The following AUTS2 variants were observed in gnomAD, a reference collection of about 807,000 sequenced individuals.
AUTS2 encodes autism susceptibility gene 2 protein.
A neutral mutation model predicts 112.4 loss-of-function variants in AUTS2; 17 were observed. The ratio of observed to expected loss-of-function variants is 0.15; its 90% CI spans 0.10 to 0.23. The LOEUF (loss-of-function observed/expected upper bound fraction) is 0.23. AUTS2 is among the 10% of genes least tolerant of loss of function. The pLI is 1.00. For missense variants in AUTS2, 1,510 were observed against 1,701.6 expected (o/e 0.89, Z 1.98); for synonymous variants, 751 against 702.7 (o/e 1.07, Z -1.09).
At chr7:70,648,633 G>C (rs1806309822) in intron 5 of AUTS2, among the ~76,000 whole-genome samples, 1 of 152,168 alleles carries the variant, frequency 6.6e-6, no homozygotes, top group Admixed American at 6.5e-5. Flanking sequence ...CCAGGCTGGA[G>C]TGCAGTGGCG....
intron 5 of AUTS2, among the ~76,000 whole-genome samples, chr7:70,521,496 A>G (rs931478157): frequency 6.6e-6 from 1 of 152,096 alleles, no homozygotes; most frequent in African/African-American, 2.4e-5. Context: ...CTTAGACCCC[A>G]GGGTTTTGAT....
At chr7:69,870,448 A>G (rs28667218) in intron 1 of AUTS2, among the ~76,000 whole-genome samples, 2 of 78,964 alleles carry the variant, frequency 2.5e-5, no homozygotes, top group Non-Finnish European at 2.5e-5. Context: ...ATGTGTGTGT[A>G]ATATATATAT....
chr7:70,129,710 G>A (rs1358036035), intron 3 of AUTS2, among the ~76,000 whole-genome samples: 3 of 152,192 alleles, frequency 2.0e-5, no homozygotes, highest in African/African-American at 7.2e-5. Flanking sequence ...GAAATCAGAG[G>A]TAGAAGCCAG....
At chr7:70,470,996 A>C (rs1797359029) in intron 5 of AUTS2, among the ~76,000 whole-genome samples, 1 of 152,180 alleles carries the variant, frequency 6.6e-6, no homozygotes, top group Admixed American at 6.5e-5. Context: ...TCAAGAAGGA[A>C]GTCGAGCAAG....
At chr7:70,493,667 T>C (rs1798335786) in intron 5 of AUTS2, among the ~76,000 whole-genome samples, 1 of 152,156 alleles carries the variant, frequency 6.6e-6, no homozygotes, top group Non-Finnish European at 1.5e-5. Flanking sequence ...AAAGCATAAG[T>C]ATCAGCCTGG....
chr7:70,030,064 T>G (rs1478908051), intron 2 of AUTS2, among the ~76,000 whole-genome samples: 1 of 152,172 alleles, frequency 6.6e-6, no homozygotes, highest in African/African-American at 2.4e-5. Context: ...ACTCACAAGT[T>G]CAGTGGCCCA....
chr7:70,689,564 CAGG>C (rs901261519), intron 5 of AUTS2, among the ~76,000 whole-genome samples: 6 of 151,914 alleles, frequency 3.9e-5, no homozygotes, highest in African/African-American at 1.5e-4. Context: ...ATCACGAGGT[CAGG>C]AGATCAAGAC....
At chr7:70,367,073 C>T (rs2129629139) in intron 4 of AUTS2, among the ~76,000 whole-genome samples, 1 of 152,078 alleles carries the variant, frequency 6.6e-6, no homozygotes, top group South Asian at 2.1e-4. Context: ...TCACTTAAGG[C>T]CAGGAGTTTT....
intron 2 of AUTS2, among the ~76,000 whole-genome samples, chr7:70,086,452 G>A: frequency 6.6e-6 from 1 of 152,006 alleles, no homozygotes. Flanking sequence ...GACCAGCCTG[G>A]CCAACATGCT....
chr7:69,982,308 C>G (rs1263404500), intron 2 of AUTS2, among the ~76,000 whole-genome samples: 1 of 152,158 alleles, frequency 6.6e-6, no homozygotes, highest in South Asian at 2.1e-4. Flanking sequence ...TTCCTTCTCT[C>G]TCAGGGGACT....
At chr7:69,695,494 A>G (rs1797520254) in intron 1 of AUTS2, among the ~76,000 whole-genome samples, 1 of 152,188 alleles carries the variant, frequency 6.6e-6, no homozygotes, top group South Asian at 2.1e-4. Context: ...TTGTAGTCAG[A>G]TATTTGATTA....
In AUTS2 at chr7:70,192,415, C is replaced by T. The variant is rs112475976; in HGVS notation, c.660+57844C>T. On this transcript the variant is annotated intron_variant, in intron 4 of 18. Coordinates refer to ENST00000342771, the MANE Select transcript of AUTS2 (RefSeq NM_015570.4). ...GTTGCTTTAAATTTGCCAAATGAAA[C>T]GAAAGTTTTACGGTTTTCCTTTTAA... Among the ~76,000 whole-genome samples, 256 of 152,076 alleles carry T rather than the reference C, an allele frequency of 1.7e-3. 6 individuals carry two copies. Among genetic ancestry groups the T allele is most frequent in the African/African-American group, 5.6e-3 (230 of 41,436 alleles).
At chr7:69,687,775 C>T (rs1797127151) in intron 1 of AUTS2, among the ~76,000 whole-genome samples, 1 of 151,978 alleles carries the variant, frequency 6.6e-6, no homozygotes, top group African/African-American at 2.4e-5. Context: ...TTTTATTTAC[C>T]AACCCTCTTA....
chr7:70,252,210 GTTTTCCT>G (rs1786637942), intron 4 of AUTS2, among the ~76,000 whole-genome samples: 1 of 152,058 alleles, frequency 6.6e-6, no homozygotes, highest in African/African-American at 2.4e-5. Flanking sequence ...CTTTCATACT[GTTTTCCT>G]TCATGGCTGT....
intron 1 of AUTS2, among the ~76,000 whole-genome samples, chr7:69,859,815 AAAC>A (rs1792894761): frequency 1.3e-5 from 2 of 152,144 alleles, no homozygotes; most frequent in Admixed American, 6.5e-5. Flanking sequence ...AAACAAACAA[AAAC>A]AACAACAACA....
At chr7:69,765,964 T>C (rs1454924894) in intron 1 of AUTS2, among the ~76,000 whole-genome samples, 1 of 152,032 alleles carries the variant, frequency 6.6e-6, no homozygotes, top group Admixed American at 6.6e-5. Flanking sequence ...GAATTAAAAT[T>C]TGTGGTACAA....
chr7:69,626,700 C>A (rs1477985089), intron 1 of AUTS2, among the ~76,000 whole-genome samples: 1 of 152,128 alleles, frequency 6.6e-6, no homozygotes, highest in Non-Finnish European at 1.5e-5. Flanking sequence ...CTGATATAAC[C>A]AATTATTGGA....
At chr7:70,580,193 C>A (rs758848272) in intron 5 of AUTS2, among the ~76,000 whole-genome samples, 35 of 152,220 alleles carry the variant, frequency 2.3e-4, no homozygotes, top group Non-Finnish European at 4.7e-4. Flanking sequence ...CGGTTTCACT[C>A]TTGCAACCCT....
intron 2 of AUTS2, among the ~76,000 whole-genome samples, chr7:69,921,827 A>G (rs949998870): frequency 4.7e-5 from 7 of 148,412 alleles, no homozygotes; most frequent in Non-Finnish European, 8.9e-5. Context: ...GCATTTTGGG[A>G]GGCTGAGGCA....
Sources: allele counts gnomAD v4.1 joint callset (sites outside exome capture counted in the v4.1 genomes callset), GRCh38; gene constraint gnomAD v4.1.1; transcripts MANE v1.5; gene names NCBI Gene and HGNC (gene_info 2026-07-23, HGNC 2026-07-21).